EYS: variants seen among roughly 807,000 people sequenced by gnomAD.
EYS encodes the protein protein eyes shut homolog.
Under a neutral mutation model 282.1 loss-of-function variants are expected in EYS, and 250 were observed. The observed-to-expected ratio is 0.89, with a 90% CI of 0.80 to 0.98. The LOEUF is 0.98. EYS is among the 50% of genes least tolerant of loss of function. The pLI is 0.00. For synonymous variants in EYS, 1,355 were observed against 1,282.9 expected (o/e 1.06, Z -1.20); for missense variants, 4,016 against 3,709.0 (o/e 1.08, Z -2.15).
intron 13 of EYS, among the ~76,000 whole-genome samples, chr6:65,016,407 A>T (rs1189599484): frequency 1.3e-5 from 2 of 152,244 alleles, no homozygotes; most frequent in Non-Finnish European, 2.9e-5. Context: ...AATGCTAAGC[A>T]TGTCTTCATA....
chr6:65,415,969 T>C (rs957095985), intron 5 of EYS, among the ~76,000 whole-genome samples: 12 of 152,074 alleles, frequency 7.9e-5, no homozygotes, highest in Admixed American at 5.9e-4. Context: ...ATTTAACAGG[T>C]TTGTAATTTT....
intron 26 of EYS, among the ~76,000 whole-genome samples, chr6:64,531,834 G>A (rs1764352957): frequency 6.6e-6 from 1 of 152,030 alleles, no homozygotes; most frequent in Admixed American, 6.6e-5. Context: ...TTGCTATGGT[G>A]TAAGTCTACC....
intron 12 of EYS, among the ~76,000 whole-genome samples, chr6:65,143,456 T>A (rs1269470723): frequency 6.6e-6 from 1 of 151,904 alleles, no homozygotes; most frequent in Non-Finnish European, 1.5e-5. Flanking sequence ...TTATAACCAA[T>A]AATATTCAAG....
At chr6:64,646,520 T>C (rs778392681) in intron 22 of EYS, among the ~76,000 whole-genome samples, 3 of 152,118 alleles carry the variant, frequency 2.0e-5, no homozygotes, top group Non-Finnish European at 4.4e-5. Context: ...AAATTCTTTA[T>C]AGGCAGGGCG....
intron 26 of EYS, among the ~76,000 whole-genome samples, chr6:64,548,718 A>G (rs184186891): frequency 1.3e-5 from 2 of 152,186 alleles, no homozygotes; most frequent in Non-Finnish European, 2.9e-5. Context: ...TAGGAGATAT[A>G]CCTAATGTTA....
intron 1 of EYS, among the ~76,000 whole-genome samples, chr6:65,646,863 A>G (rs575363862): frequency 3.5e-4 from 54 of 152,308 alleles, no homozygotes; most frequent in Non-Finnish European, 7.5e-4. Context: ...TAGCTTTGCT[A>G]TACACCAGCA....
intron 13 of EYS, among the ~76,000 whole-genome samples, chr6:65,022,523 C>T (rs1319021257): frequency 2.0e-5 from 3 of 151,966 alleles, no homozygotes; most frequent in Non-Finnish European, 4.4e-5. Context: ...AATTTATTGA[C>T]AGTGGATCAA....
At chr6:65,150,208 C>T (rs945889807) in intron 12 of EYS, among the ~76,000 whole-genome samples, 45 of 152,126 alleles carry the variant, frequency 3.0e-4, no homozygotes, top group African/African-American at 9.9e-4. Context: ...ACACTTTTAT[C>T]TGGTATTATT....
At chr6:65,007,283 T>G (rs1771704616) in intron 13 of EYS, among the ~76,000 whole-genome samples, 1 of 152,160 alleles carries the variant, frequency 6.6e-6, no homozygotes, top group Non-Finnish European at 1.5e-5. Context: ...TATGTCCTTT[T>G]ATCAGATGGG....
chr6:63,763,054 C>T (rs1489066643), intron 40 of EYS, among the ~76,000 whole-genome samples: 1 of 152,066 alleles, frequency 6.6e-6, no homozygotes, highest in Non-Finnish European at 1.5e-5. Context: ...CTCACAGGCT[C>T]AGCTCCTGGG....
chr6:65,329,217 T>G, intron 11 of EYS: 1 of 351,002 alleles, frequency 2.8e-6, no homozygotes, highest in Non-Finnish European at 4.0e-6. Flanking sequence ...GAAAAATATA[T>G]GAGAGATAAT....
rs141239759 is a variant in EYS at position 65,279,346 on chromosome 6, C to T, written c.2023+16517G>A. On this transcript the variant is annotated intron_variant, in intron 12 of 42. Transcript: ENST00000503581. ...TAGATCTCTGCTTAAATGTCATTTC[C>T]TTAGAGTTCTCCCTTTGCTATCAAT... 5.9e-5 allele frequency among the ~76,000 whole-genome samples: 9 copies of T among 152,158 alleles called. No individual in the cohort carries two copies. In the East Asian group the frequency reaches 1.5e-3, roughly 26 times the overall value.
At chr6:64,562,897 T>G (rs1271863984) in intron 26 of EYS, among the ~76,000 whole-genome samples, 1 of 152,000 alleles carries the variant, frequency 6.6e-6, no homozygotes, top group Non-Finnish European at 1.5e-5. Flanking sequence ...GATGAATGAT[T>G]TTCATTTGGT....
chr6:64,548,393 G>C (rs566531006), intron 26 of EYS, among the ~76,000 whole-genome samples: 3 of 152,224 alleles, frequency 2.0e-5, no homozygotes, highest in South Asian at 4.1e-4. Flanking sequence ...GTTTATTGCG[G>C]CACTATTCAC....
intron 29 of EYS, among the ~76,000 whole-genome samples, chr6:64,344,304 C>T (rs930045471): frequency 1.6e-4 from 25 of 151,878 alleles, no homozygotes; most frequent in Non-Finnish European, 2.8e-4. Flanking sequence ...TGCAAAAATC[C>T]TCAATAAAAT....
chr6:65,630,709 T>C (rs1482728252), intron 2 of EYS, among the ~76,000 whole-genome samples: 2 of 152,216 alleles, frequency 1.3e-5, no homozygotes, highest in Non-Finnish European at 2.9e-5. Flanking sequence ...AGTTAAAATA[T>C]TCTCTGTGAC....
intron 12 of EYS, among the ~76,000 whole-genome samples, chr6:65,141,585 A>G (rs1198678091): frequency 6.6e-6 from 1 of 152,090 alleles, no homozygotes; most frequent in Non-Finnish European, 1.5e-5. Context: ...ATAATTCTAA[A>G]TAAATCCAAA....
chr6:65,192,148 G>A (rs1375500523), intron 12 of EYS, among the ~76,000 whole-genome samples: 1 of 151,432 alleles, frequency 6.6e-6, no homozygotes, highest in Non-Finnish European at 1.5e-5. Context: ...TTAATGATTA[G>A]GCTTTTGATT....
Position 63,772,536 on chromosome 6 carries a change from T to C in EYS, c.7898+5470A>G, listed in dbSNP as rs150695722. ...TCAATGTTACCACTAACATCAAGAC[T>C]ACAGGATGCAATAGAATCTCTTTAT... On this transcript the variant is annotated intron_variant, in intron 40 of 42. Transcript: ENST00000503581. 3.9e-5 allele frequency among the ~76,000 whole-genome samples: 6 copies of C among 152,258 alleles called. No individual in the cohort carries two copies. The East Asian group carries it at 7.7e-4, about 20-fold the overall frequency.
Sources: gnomAD v4.1 joint callset for allele counts (sites outside exome capture counted in the v4.1 genomes callset) on GRCh38, gnomAD v4.1.1 for gene constraint, MANE v1.5 for transcripts, NCBI Gene and HGNC (gene_info 2026-07-23, HGNC 2026-07-21) for gene names.